Variants in TPM1 observed in about 807,000 individuals in gnomAD.
The protein encoded by TPM1 is tropomyosin 1.
A neutral mutation model predicts 42.9 loss-of-function variants in TPM1; 24 were observed. The observed-to-expected ratio is 0.56, with a 90% CI of 0.41 to 0.79. TPM1 has a LOEUF of 0.79. Among genes scored for constraint, TPM1 ranks in the 30% least tolerant of loss-of-function variants. The probability of loss-of-function intolerance (pLI) is 0.00; values close to 1 mark genes in which losing one functional copy is unlikely to be tolerated. For missense variants in TPM1, 158 were observed against 351.8 expected (o/e 0.45, Z 4.41); for synonymous variants, 136 against 130.1 (o/e 1.05, Z -0.31).
Position 63,066,158 on chromosome 15 carries a change from T to C in TPM1, c.*259T>C, listed in dbSNP as rs531178841. On this transcript the variant is annotated 3_prime_UTR_variant, in exon 10 of 10. Transcript: ENST00000403994. ...TTTTAGTTTCAACATTGAATAAAAC[T>C]ACAAAGCTGCTTCACACATATGAGG... The C allele has an allele frequency of 6.9e-7, 1 of 1,454,302 alleles. No homozygotes were observed. Among genetic ancestry groups the C allele is most frequent in the South Asian group, 1.5e-5 (1 of 68,230 alleles). 90.1% of individuals were successfully genotyped at this position (1,454,302 alleles called of 1,614,324 possible).
intron 4 of TPM1, among the ~76,000 whole-genome samples, chr15:63,060,175 C>T (rs1453896490): frequency 6.6e-6 from 1 of 152,130 alleles, no homozygotes; most frequent in Non-Finnish European, 1.5e-5. Context: ...TGGTCGTGTC[C>T]CCATGAAAAC....
intron 5 of TPM1, chr15:63,061,508 T>C: frequency 1.4e-6 from 1 of 716,622 alleles, no homozygotes; most frequent in Non-Finnish European, 2.4e-6. Flanking sequence ...TTGTTGGATT[T>C]GGTCACCCTG....
At chr15:63,045,158 G>A (rs1223391455) in intron 2 of TPM1, 3 of 152,270 alleles carry the variant, frequency 2.0e-5, no homozygotes, top group Non-Finnish European at 4.4e-5. Context: ...AACACCGAGA[G>A]CAACAGCAGA....
chr15:63,048,532 G>A, intron 2 of TPM1: 5 of 1,508,936 alleles, frequency 3.3e-6, no homozygotes, highest in East Asian at 2.7e-5. Flanking sequence ...GCAGCAGCCG[G>A]CCTCTCCCAC....
intron 2 of TPM1, chr15:63,054,570 C>T (rs1435045676): frequency 1.3e-5 from 2 of 152,168 alleles, no homozygotes; most frequent in African/African-American, 2.4e-5. Flanking sequence ...CATAAACAGT[C>T]GTCTTTCTGT....
rs770633915 is a variant in TPM1 at position 63,042,801 on chromosome 15, C to T, written c.-29C>T. The T allele has an allele frequency of 1.0e-5, 16 of 1,594,356 alleles. No individual in the cohort carries two copies. The South Asian group carries it at 1.8e-4, about 18-fold the overall frequency. On this transcript the variant is annotated 5_prime_UTR_variant, in exon 1 of 10. Transcript: ENST00000403994. Reference sequence around the variant, plus strand: ...CGCGCTCGCCCCGCCGCTCCTGCTGCAGCCCCAGGGCCCCTCGCCGCCGCC... The same window carrying T: ...CGCGCTCGCCCCGCCGCTCCTGCTGTAGCCCCAGGGCCCCTCGCCGCCGCC...
chr15:63,042,758 C>CG lies in TPM1; in HGVS notation c.-71dup. On this transcript the variant is annotated 5_prime_UTR_variant, in exon 1 of 10. Coordinates refer to ENST00000403994, the MANE Select transcript of TPM1 (RefSeq NM_001018005.2). ...GCAGGCGGCTCCGCGCTCGCACTCC[C>CG]GCTCCTCCGCCCGACCGCGCGCTCG... 7.6e-7 allele frequency: 1 copy of CG among 1,315,826 alleles called. No homozygotes were observed. The highest frequency in any genetic ancestry group is 1.2e-5 in the South Asian group (1 of 82,248). 81.5% of individuals were successfully genotyped at this position (1,315,826 alleles called of 1,614,324 possible). A position where few individuals can be genotyped will look rare whatever the true frequency, so the allele number is the denominator to read the frequency against.
intron 9 of TPM1, chr15:63,064,969 GA>G (rs2036118884): frequency 1.0e-6 from 1 of 983,484 alleles, no homozygotes; most frequent in Non-Finnish European, 1.2e-6. Flanking sequence ...TCTGTCTCAA[GA>G]AAAAAAAGAA....
intron 2 of TPM1, chr15:63,054,609 A>C (rs2034488414): frequency 1.3e-5 from 2 of 152,280 alleles, no homozygotes; most frequent in African/African-American, 4.8e-5. Context: ...GTTCAGGCCC[A>C]GATCTAAAGC....
chr15:63,064,252 C>G (rs892455718), intron 9 of TPM1, 110 bp downstream of exon 9: 6 of 1,547,194 alleles, frequency 3.9e-6, no homozygotes, highest in African/African-American at 1.4e-5. Context: ...CTCTTGTGTT[C>G]ACCCTTTTTG....
downstream of TPM1, among the ~76,000 whole-genome samples, chr15:63,068,624 C>G (rs74024305): frequency 6.6e-6 from 1 of 152,134 alleles, no homozygotes; most frequent in Non-Finnish European, 1.5e-5. Context: ...TCAAAGCCAC[C>G]GTGCATCCTC....
chr15:63,064,991 A>G, intron 9 of TPM1: 1 of 985,352 alleles, frequency 1.0e-6, no homozygotes, highest in Non-Finnish European at 1.2e-6. Context: ...TGGTAGAGTA[A>G]AAAGAACCCT....
intron 2 of TPM1, chr15:63,055,840 C>G (rs2034690172): frequency 1.3e-5 from 2 of 152,226 alleles, no homozygotes; most frequent in South Asian, 2.1e-4. Flanking sequence ...AATGGACCAT[C>G]ATAGTCTTAT....
intron 2 of TPM1, chr15:63,048,587 T>C: frequency 6.5e-7 from 1 of 1,528,904 alleles, no homozygotes; most frequent in Non-Finnish European, 8.8e-7. Flanking sequence ...TGGCGGGGAG[T>C]AGCTCGCTGG....
In TPM1 at chr15:63,066,119, CTTAT is replaced by C; in HGVS notation, c.*226_*229del. On this transcript the variant is annotated 3_prime_UTR_variant, in exon 10 of 10. Transcript: ENST00000403994. ...TTTCTGTTTGCTATTCTTTTTACTT[CTTAT>C]TTATTGACATTTTAGTTTCAACATT... The C allele has an allele frequency of 4.0e-6, 6 of 1,486,498 alleles. No individual in the cohort carries two copies. The highest frequency in any genetic ancestry group is 5.3e-6 in the Non-Finnish European group (6 of 1,127,482). 92.1% of individuals were successfully genotyped at this position (1,486,498 alleles called of 1,614,324 possible).
chr15:63,063,812 G>C, intron 8 of TPM1: 1 of 509,108 alleles, frequency 2.0e-6, no homozygotes, highest in South Asian at 2.7e-5. Flanking sequence ...TACCATATTT[G>C]TTAGGATTTT....
chr15:63,050,717 G>A (rs1195745108), intron 2 of TPM1, among the ~76,000 whole-genome samples: 1 of 152,194 alleles, frequency 6.6e-6, no homozygotes, highest in East Asian at 1.9e-4. Context: ...TTGAAGACTG[G>A]ATCAGACCAT....
chr15:63,046,749 C>G (rs1422468845), intron 2 of TPM1: 2 of 152,598 alleles, frequency 1.3e-5, no homozygotes, highest in Admixed American at 1.3e-4. Context: ...GTCTTTACTT[C>G]TTAACTTAGG....
At chr15:63,053,930 C>T (rs908323073) in intron 2 of TPM1, among the ~76,000 whole-genome samples, 1 of 151,956 alleles carries the variant, frequency 6.6e-6, no homozygotes, top group African/African-American at 2.4e-5. Context: ...TTGCCCGCCT[C>T]GGCCTCCCAA....
Sources: gnomAD v4.1 joint callset for allele counts (sites outside exome capture counted in the v4.1 genomes callset) on GRCh38, gnomAD v4.1.1 for gene constraint, MANE v1.5 for transcripts, NCBI Gene and HGNC (gene_info 2026-07-23, HGNC 2026-07-21) for gene names.